CCDC80: variants seen among roughly 807,000 people sequenced by gnomAD.
CCDC80 encodes the protein coiled-coil domain containing 80, also known as coiled-coil domain-containing protein 80.
In CCDC80, 49 loss-of-function variants were observed where a neutral mutation model predicts 78.7. The ratio of observed to expected loss-of-function variants is 0.62; its 90% CI spans 0.50 to 0.79. CCDC80 has a LOEUF of 0.79. Among genes scored for constraint, CCDC80 ranks in the 30% least tolerant of loss-of-function variants. CCDC80 has a pLI of 0.00. For synonymous variants in CCDC80, 488 were observed against 447.0 expected, an observed-to-expected ratio of 1.09 and a Z score of -1.16; for missense variants, 1,205 against 1,198.6, an observed-to-expected ratio of 1.01 and a Z score of -0.08.
intron 2 of CCDC80, among the ~76,000 whole-genome samples, chr3:112,635,219 G>A (rs1279448507): frequency 6.6e-6 from 1 of 152,198 alleles, no homozygotes; most frequent in Non-Finnish European, 1.5e-5. Flanking sequence ...TAAAGACAAA[G>A]CACTAAGGGT....
chr3:112,632,337 C>T (rs9288955), intron 2 of CCDC80, among the ~76,000 whole-genome samples: 85,062 of 151,864 alleles, frequency 0.56, 25,165 homozygotes, highest in African/African-American at 0.76. Context: ...AAGGGACTTA[C>T]TGTTCATGGT....
At chr3:112,622,584 A>T (rs904663577) in intron 3 of CCDC80, among the ~76,000 whole-genome samples, 1 of 152,142 alleles carries the variant, frequency 6.6e-6, no homozygotes, top group Non-Finnish European at 1.5e-5. Context: ...AATTTATCCA[A>T]ACTCTGTTTA....
intron 3 of CCDC80, among the ~76,000 whole-genome samples, chr3:112,624,544 C>G (rs1310535507): frequency 6.6e-6 from 1 of 152,096 alleles, no homozygotes; most frequent in Non-Finnish European, 1.5e-5. Flanking sequence ...CTGCTTACTC[C>G]CCTTTTACTC....
chr3:112,609,663 C>G (rs571613842), intron 6 of CCDC80, among the ~76,000 whole-genome samples: 1 of 146,270 alleles, frequency 6.8e-6, no homozygotes, highest in East Asian at 2.0e-4. Flanking sequence ...ATGGTAATAC[C>G]TAAGTGAGAC....
intron 5 of CCDC80, among the ~76,000 whole-genome samples, chr3:112,610,768 G>T (rs1171451186): frequency 1.3e-5 from 2 of 152,074 alleles, no homozygotes; most frequent in African/African-American, 4.8e-5. Context: ...TAAGATTTTA[G>T]AATATATAGT....
chr3:112,639,385 T>G lies in CCDC80; in HGVS notation c.521A>C (p.Asp174Ala). 2 of 1,614,124 alleles carry G rather than the reference T, an allele frequency of 1.2e-6. No homozygotes were observed. Among genetic ancestry groups the G allele is most frequent in the Non-Finnish European group, 1.7e-6 (2 of 1,180,032 alleles). ...YRLMMSLLKD[D>A]VYCELAERHI... ...CCTCTCCGCCAGCTCACAGTACACA[T>G]CGTCCTTCAGCAGGCTCATCATGAG... The change falls in exon 2 of 8, where the codon GAT becomes GCT. Residue 174 changes from aspartate to alanine, a missense_variant. Coordinates refer to ENST00000206423, the MANE Select transcript of CCDC80 (RefSeq NM_199511.3).
Position 112,638,861 on chromosome 3 carries a change from T to C in CCDC80, c.1045A>G (p.Arg349Gly). The change falls in exon 2 of 8, where the codon AGA becomes GGA. Residue 349 changes from arginine (R) to glycine (G), a missense_variant. Arg to Gly is a moderately radical substitution (Grantham distance 125). Transcript: ENST00000206423. ...GGGGCAGGAGGAAGGGTGGTGGCTC[T>C]GGGGGTTGAGGGAGGTTGGGGCAAA... ...PALPQPPSTP[R>G]ATTLPPAPAT... The C allele has an allele frequency of 1.9e-6, 3 of 1,613,478 alleles. No individual in the cohort carries two copies. The highest frequency in any genetic ancestry group is 2.5e-6 in the Non-Finnish European group (3 of 1,179,848).
intron 6 of CCDC80, among the ~76,000 whole-genome samples, chr3:112,607,545 G>A (rs1394665024): frequency 6.6e-6 from 1 of 152,166 alleles, no homozygotes; most frequent in Non-Finnish European, 1.5e-5. Flanking sequence ...CCAGCACTTT[G>A]GGAGGCCGAG....
chr3:112,640,077 T>G, intron 1 of CCDC80, 161 bp from the exon 2 acceptor site: 5 of 799,538 alleles, frequency 6.3e-6, no homozygotes, highest in Non-Finnish European at 7.6e-6. Flanking sequence ...AGATGGAAAA[T>G]GGGATGAGAT....
Position 112,605,498 on chromosome 3 carries a change from A to G in CCDC80, c.2772T>C (p.His924=), listed in dbSNP as rs752153778. 2.5e-6 allele frequency: 4 copies of G among 1,614,178 alleles called. No homozygotes were observed. Among genetic ancestry groups the G allele is most frequent in the African/African-American group, 2.7e-5 (2 of 75,040 alleles). ...CATCCTGGTATCCTTGGTGGTAACT[A>G]TGGTAACCATAGCCTGCATACTCAT... ...PEDEYAGYGY[H]SYHQGYQDGY... Residue 924 remains histidine (H), a synonymous_variant, in exon 8 of 8, where the codon CAT becomes CAC. Transcript: ENST00000206423.
intron 7 of CCDC80, among the ~76,000 whole-genome samples, chr3:112,606,716 T>C (rs1400687053): frequency 1.3e-5 from 2 of 152,150 alleles, no homozygotes; most frequent in Non-Finnish European, 2.9e-5. Context: ...TGAGCCACCA[T>C]GCCCGGCTTC....
rs1436131185 is a variant in CCDC80, at chr3:112,638,169, C to T, written c.1737G>A (p.Glu579=). 3 of 1,613,796 alleles carry T rather than the reference C, an allele frequency of 1.9e-6. No homozygotes were observed. The highest frequency in any genetic ancestry group is 1.7e-5 in the Admixed American group (1 of 60,000). ...CTTTTTTCTTCTTGCTCTTCTCTTT[C>T]TCTTGCTTGCTCTTTTTCTCAGACT... ...MKKSEKKSKQ[E]KEKSKKKKGG... is the part of the protein sequence containing the mutation. Residue 579 remains glutamate, a synonymous_variant, in exon 2 of 8, where the codon GAG becomes GAA. Coordinates refer to ENST00000206423, the MANE Select transcript of CCDC80 (RefSeq NM_199511.3).
Position 112,611,034 on chromosome 3 carries a change from C to T in CCDC80, c.2322-953G>A, listed in dbSNP as rs554055101. On this transcript the variant is annotated intron_variant, in intron 5 of 7. Coordinates refer to ENST00000206423, the MANE Select transcript of CCDC80 (RefSeq NM_199511.3). ...GTTCAAGCGATTCTCCTGCCTCATC[C>T]TCCCGAGTAGCTGGGACTACAGGCG... Among the ~76,000 whole-genome samples the T allele has an allele frequency of 5.9e-5, 9 of 151,756 alleles. No homozygotes were observed. The East Asian group carries it at 1.7e-3, about 29-fold the overall frequency.
chr3:112,635,953 A>G (rs1186856576), intron 2 of CCDC80, among the ~76,000 whole-genome samples: 2 of 152,236 alleles, frequency 1.3e-5, no homozygotes, highest in Admixed American at 1.3e-4. Context: ...TCAGGGATAC[A>G]CTGTGAAAAC....
chr3:112,607,306 T>C, intron 6 of CCDC80, 50 bp from the exon 7 acceptor site: 1 of 1,392,402 alleles, frequency 7.2e-7, no homozygotes, highest in Non-Finnish European at 1.0e-6. Flanking sequence ...TTAGAAGTTA[T>C]CTTTTACTTC....
At chr3:112,636,594 T>G (rs1009782466) in intron 2 of CCDC80, among the ~76,000 whole-genome samples, 1 of 152,216 alleles carries the variant, frequency 6.6e-6, no homozygotes, top group African/African-American at 2.4e-5. Flanking sequence ...TTAAACTTTC[T>G]GAAACAACAC....
In CCDC80 at chr3:112,639,840, T is replaced by A. The variant is rs200504613; in HGVS notation, c.66A>T (p.Glu22Asp). Residue 22 changes from glutamate to aspartate, a missense_variant, in exon 2 of 8, where the codon GAA (glutamate) becomes GAT (aspartate). Transcript: ENST00000206423. ...LLAMWLVCGS[E>D]PHPHATIRGS... ...CTCTAATAGTGGCATGGGGGTGGGGTTCTGATCCACACACTAGCCACATGG... is the reference window on the plus strand; with the variant it reads ...CTCTAATAGTGGCATGGGGGTGGGGATCTGATCCACACACTAGCCACATGG... 1 of 1,614,012 alleles carries A rather than the reference T, an allele frequency of 6.2e-7. No individual in the cohort carries two copies. The highest frequency in any genetic ancestry group is 1.7e-5 in the Admixed American group (1 of 59,994).
At chr3:112,605,981 CGAT>C (rs1204555019) in intron 7 of CCDC80, among the ~76,000 whole-genome samples, 1 of 152,172 alleles carries the variant, frequency 6.6e-6, no homozygotes, top group Admixed American at 6.5e-5. Context: ...TTGGGGCACT[CGAT>C]GTGTCTTTTG....
At position 112,638,819 on chromosome 3, in the gene CCDC80, G is replaced by A. The variant is rs147189952; in HGVS notation, c.1087C>T (p.Arg363Trp). ...ACTGTTACCGCCCGGGACGTGGACC[G>A]AGTCACTGTTGTGGCTGGGGCAGGA... ...LPPAPATTVT[R>W]STSRAVTVAA... The change falls in exon 2 of 8, where the codon CGG becomes TGG. Residue 363 changes from arginine to tryptophan, a missense_variant. Coordinates refer to ENST00000206423, the MANE Select transcript of CCDC80 (RefSeq NM_199511.3). 8.7e-6 allele frequency: 14 copies of A among 1,613,708 alleles called. No individual in the cohort carries two copies. Among genetic ancestry groups the A allele is most frequent in the African/African-American group, 6.7e-5 (5 of 74,886 alleles).
Sources: allele counts gnomAD v4.1 joint callset (sites outside exome capture counted in the v4.1 genomes callset), GRCh38; gene constraint gnomAD v4.1.1; transcripts MANE v1.5; gene names NCBI Gene and HGNC (gene_info 2026-07-23, HGNC 2026-07-21).